The following ZNF385D variants were observed in gnomAD, a reference collection of about 807,000 sequenced individuals.
ZNF385D encodes the protein zinc finger protein 659.
A neutral mutation model predicts 35.8 loss-of-function variants in ZNF385D; 15 were observed. The ratio of observed to expected loss-of-function variants is 0.42; its 90% CI spans 0.28 to 0.64. The LOEUF is 0.64. Ranked by LOEUF, ZNF385D falls within the 30% of genes least tolerant of loss-of-function variation. ZNF385D has a pLI of 0.23. For missense variants in ZNF385D, 474 were observed against 494.6 expected (o/e 0.96, Z 0.39); for synonymous variants, 212 against 186.8 (o/e 1.13, Z -1.10).
At chr3:22,069,729 G>T (rs1345327126) in intron 3 of ZNF385D, among the ~76,000 whole-genome samples, 1 of 152,082 alleles carries the variant, frequency 6.6e-6, no homozygotes, top group African/African-American at 2.4e-5. Flanking sequence ...TAGATGTGAA[G>T]GTAATAAGTG....
intron 3 of ZNF385D, among the ~76,000 whole-genome samples, chr3:21,879,907 G>A (rs930276309): frequency 6.6e-6 from 1 of 151,970 alleles, no homozygotes; most frequent in East Asian, 1.9e-4. Context: ...GAATGTGCAA[G>A]TGGGGGAACA....
intron 2 of ZNF385D, among the ~76,000 whole-genome samples, chr3:22,315,674 T>C (rs1278753735): frequency 6.6e-6 from 1 of 152,196 alleles, no homozygotes; most frequent in African/African-American, 2.4e-5. Context: ...AGATTATGAC[T>C]GCGACAGAAG....
chr3:21,424,753 A>G (rs1025508283), intron 6 of ZNF385D, among the ~76,000 whole-genome samples: 57 of 147,474 alleles, frequency 3.9e-4, no homozygotes, highest in African/African-American at 1.4e-3. Context: ...TTTTACATGC[A>G]AATAAACAAA....
chr3:21,866,957 T>C (rs1038424317), intron 3 of ZNF385D, among the ~76,000 whole-genome samples: 1 of 152,042 alleles, frequency 6.6e-6, no homozygotes, highest in South Asian at 2.1e-4. Context: ...CTGCACCCAA[T>C]ACCCATTATC....
At chr3:21,769,015 C>T (rs967406622) in intron 3 of ZNF385D, among the ~76,000 whole-genome samples, 2 of 151,946 alleles carry the variant, frequency 1.3e-5, no homozygotes, top group Non-Finnish European at 2.9e-5. Flanking sequence ...TTATAAATAG[C>T]TCTTATTATT....
At chr3:21,918,468 T>C (rs7644754) in intron 3 of ZNF385D, among the ~76,000 whole-genome samples, 3,564 of 152,254 alleles carry the variant, frequency 0.023, 147 homozygotes, top group African/African-American at 0.081. Flanking sequence ...ATTGTCTTTC[T>C]TGATACTTCA....
At chr3:21,592,401 C>CAAAT (rs919764985) in intron 2 of ZNF385D, among the ~76,000 whole-genome samples, 1 of 151,212 alleles carries the variant, frequency 6.6e-6, no homozygotes, top group African/African-American at 2.4e-5. Flanking sequence ...GAATCATAAA[C>CAAAT]AGCAAGAGAA....
chr3:21,776,562 T>A (rs1307270352), intron 3 of ZNF385D, among the ~76,000 whole-genome samples: 1 of 151,972 alleles, frequency 6.6e-6, no homozygotes, highest in South Asian at 2.1e-4. Context: ...TTTTGTGAAT[T>A]TGTCTTCCTA....
intron 3 of ZNF385D, among the ~76,000 whole-genome samples, chr3:21,939,575 A>G (rs1233117098): frequency 6.6e-6 from 1 of 152,234 alleles, no homozygotes; most frequent in African/African-American, 2.4e-5. Context: ...GCTCCTAAAT[A>G]TAGTATAGAA....
chr3:21,997,870 C>CGT (rs1296384117), intron 3 of ZNF385D, among the ~76,000 whole-genome samples: 1 of 62,260 alleles, frequency 1.6e-5, no homozygotes, highest in African/African-American at 6.1e-5. Context: ...CGCGCGCGCG[C>CGT]GCGTGTGTGT....
At chr3:21,860,962 G>A (rs1417641326) in intron 3 of ZNF385D, among the ~76,000 whole-genome samples, 1 of 152,116 alleles carries the variant, frequency 6.6e-6, no homozygotes, top group African/African-American at 2.4e-5. Context: ...ACATCTGCCA[G>A]TGCTTATTTT....
At chr3:21,636,097 T>G (rs1041553367) in intron 2 of ZNF385D, among the ~76,000 whole-genome samples, 1 of 151,970 alleles carries the variant, frequency 6.6e-6, no homozygotes, top group Non-Finnish European at 1.5e-5. Flanking sequence ...CTGAATCAAA[T>G]AGTAGTTCTA....
chr3:21,995,322 A>C (rs1209605659), intron 3 of ZNF385D, among the ~76,000 whole-genome samples: 6 of 152,192 alleles, frequency 3.9e-5, no homozygotes, highest in African/African-American at 1.4e-4. Flanking sequence ...CCATCAGTGC[A>C]CAAAGGCACT....
At chr3:22,068,555 TAGCA>T (rs1700078809) in intron 3 of ZNF385D, among the ~76,000 whole-genome samples, 1 of 152,208 alleles carries the variant, frequency 6.6e-6, no homozygotes, top group South Asian at 2.1e-4. Context: ...GGATTTCTCC[TAGCA>T]GTTGGATCTG....
chr3:21,798,522 G>A (rs1314167824), intron 3 of ZNF385D, among the ~76,000 whole-genome samples: 1 of 152,160 alleles, frequency 6.6e-6, no homozygotes, highest in Non-Finnish European at 1.5e-5. Flanking sequence ...AGCGTCTGCT[G>A]CAGTTTCTTG....
chr3:21,416,863 A>C lies in ZNF385D; in HGVS notation c.*4351T>G, dbSNP rs1700570676. 6.6e-6 allele frequency: 1 copy of C among 152,124 alleles called. No individual in the cohort carries two copies. The highest frequency in any genetic ancestry group is 1.5e-5 in the Non-Finnish European group (1 of 68,000). 9.4% of individuals were successfully genotyped at this position (152,124 alleles called of 1,614,324 possible). A position where few individuals can be genotyped will look rare whatever the true frequency, so the allele number is the denominator to read the frequency against. On this transcript the variant is annotated 3_prime_UTR_variant, in exon 8 of 8. Coordinates refer to ENST00000281523, the MANE Select transcript of ZNF385D (RefSeq NM_024697.3). ...GAGAGAAAGTGCAACAAAAGAAATA[A>C]GGATGATGCATTTAAATTGTTGTTC...
intron 3 of ZNF385D, among the ~76,000 whole-genome samples, chr3:21,997,135 T>C (rs185025584): frequency 6.6e-6 from 1 of 152,226 alleles, no homozygotes; most frequent in Admixed American, 6.5e-5. Context: ...TAAGAAAATA[T>C]GGCACATATA....
rs763737284 is a variant in ZNF385D at position 21,437,019 on chromosome 3, T to C, written c.624A>G (p.Leu208=). The part of the protein sequence containing the change: ...EKAKRLLYCS[L]CKVAVNSASQ... The stretch of plus-strand genomic sequence containing the variant: ...AGGCAGAGTTGACAGCAACCTTGCA[T>C]AGCGAACAGTAAAGAAGCCGTTTTG... Residue 208 remains leucine, a synonymous_variant, in exon 5 of 8, where the codon CTA becomes CTG. Transcript: ENST00000281523. 1.2e-6 allele frequency: 2 copies of C among 1,614,002 alleles called. No individual in the cohort carries two copies. The highest frequency in any genetic ancestry group is 2.2e-5 in the East Asian group (1 of 44,880).
Position 21,616,912 on chromosome 3 carries a change from T to A in ZNF385D, c.165+47974A>T, listed in dbSNP as rs369777333. On this transcript the variant is annotated intron_variant, in intron 2 of 7. Transcript: ENST00000281523. ...AAAATGCAATAGAGTTCTTTATAGC[T>A]GCAAATACCCAAATTATTACTTCCT... 1.5e-4 allele frequency among the ~76,000 whole-genome samples: 23 copies of A among 152,324 alleles called. No homozygotes were observed. The East Asian group carries it at 3.7e-3, about 24-fold the overall frequency.
Sources: allele counts gnomAD v4.1 joint callset (sites outside exome capture counted in the v4.1 genomes callset), GRCh38; gene constraint gnomAD v4.1.1; transcripts MANE v1.5; gene names NCBI Gene and HGNC (gene_info 2026-07-23, HGNC 2026-07-21).